Variants in MYO10 observed in about 807,000 individuals in gnomAD.
MYO10 encodes the protein myosin X.
In MYO10, 133 loss-of-function variants were observed where a neutral mutation model predicts 257.3. That is an observed-to-expected ratio of 0.52 (90% CI 0.45 to 0.60). MYO10 has a LOEUF of 0.60. MYO10 is among the 20% of genes least tolerant of loss of function. The pLI is 0.00. For synonymous variants in MYO10, 1,104 were observed against 1,028.6 expected, an observed-to-expected ratio of 1.07 and a Z score of -1.40; for missense variants, 2,399 against 2,635.7, an observed-to-expected ratio of 0.91 and a Z score of 1.97.
At position 16,929,561 on chromosome 5, in the gene MYO10, C is replaced by T. The variant is rs1746240509; in HGVS notation, c.21+6227G>A. Among the ~76,000 whole-genome samples, 3 of 152,154 alleles carry T rather than the reference C, an allele frequency of 2.0e-5. No homozygotes were observed. In the South Asian group the frequency reaches 6.2e-4, roughly 31 times the overall value. On this transcript the variant is annotated intron_variant, in intron 1 of 40. Coordinates refer to ENST00000513610, the MANE Select transcript of MYO10 (RefSeq NM_012334.3). ...TGTGACACTGAGTCAGTTACTTAACCTCTCTGTGCCTCACTTTCTTCATCT... is the reference window on the plus strand; with the variant it reads ...TGTGACACTGAGTCAGTTACTTAACTTCTCTGTGCCTCACTTTCTTCATCT...
intron 9 of MYO10, among the ~76,000 whole-genome samples, chr5:16,774,766 TTATAA>T (rs1741167346): frequency 6.6e-6 from 1 of 152,166 alleles, no homozygotes; most frequent in African/African-American, 2.4e-5. Flanking sequence ...TAAAAATACT[TTATAA>T]TATAAAATTG....
intron 21 of MYO10, 25 bp downstream of exon 21, chr5:16,710,883 G>C (rs1561200746): frequency 1.6e-5 from 26 of 1,588,242 alleles, no homozygotes; most frequent in Non-Finnish European, 2.0e-5. Flanking sequence ...GATTCGGTGG[G>C]AGTTGCTCTT....
chr5:16,692,646 C>T (rs1737560043), intron 27 of MYO10, among the ~76,000 whole-genome samples: 1 of 152,006 alleles, frequency 6.6e-6, no homozygotes, highest in Non-Finnish European at 1.5e-5. Flanking sequence ...CTGGATAGAA[C>T]TGTGGATGAA....
chr5:16,845,004 T>C (rs1391360283), intron 2 of MYO10, among the ~76,000 whole-genome samples: 1 of 151,916 alleles, frequency 6.6e-6, no homozygotes, highest in Non-Finnish European at 1.5e-5. Context: ...CAAATATGAC[T>C]GATCTATATT....
chr5:16,885,760 G>A (rs1056635762), intron 1 of MYO10, among the ~76,000 whole-genome samples: 1 of 152,030 alleles, frequency 6.6e-6, no homozygotes, highest in Admixed American at 6.6e-5. Flanking sequence ...CAGCGCTAAC[G>A]CGAGCCACAA....
At chr5:16,736,737 G>C (rs1739820472) in intron 19 of MYO10, among the ~76,000 whole-genome samples, 1 of 152,126 alleles carries the variant, frequency 6.6e-6, no homozygotes, top group Non-Finnish European at 1.5e-5. Context: ...ACCAGAAAAA[G>C]AAAAGAAGAA....
At position 16,710,080 on chromosome 5, in the gene MYO10, T is replaced by G. The variant is rs185177556; in HGVS notation, c.2169+828A>C. Among the ~76,000 whole-genome samples the G allele has an allele frequency of 1.2e-4, 19 of 152,282 alleles. No individual in the cohort carries two copies. In the East Asian group the frequency reaches 3.7e-3, roughly 29 times the overall value. ...TAGATTAAAAACAGCATATTATGAG[T>G]GGAAGCTTTAAAATACTTCTCTGAC... is the stretch of plus-strand genomic sequence containing the variant. On this transcript the variant is annotated intron_variant, in intron 21 of 40. Coordinates refer to ENST00000513610, the MANE Select transcript of MYO10 (RefSeq NM_012334.3).
At chr5:16,807,872 T>C (rs1742324669) in intron 3 of MYO10, among the ~76,000 whole-genome samples, 1 of 152,138 alleles carries the variant, frequency 6.6e-6, no homozygotes, top group African/African-American at 2.4e-5. Flanking sequence ...TCACACCCAT[T>C]GTCACCCTGA....
At chr5:16,676,880 TTC>T (rs1736750899) in intron 33 of MYO10, among the ~76,000 whole-genome samples, 1 of 152,182 alleles carries the variant, frequency 6.6e-6, no homozygotes, top group Non-Finnish European at 1.5e-5. Flanking sequence ...TAATCTGATC[TTC>T]TGTTATTGAT....
intron 2 of MYO10, among the ~76,000 whole-genome samples, chr5:16,823,399 G>A (rs1292635462): frequency 8.2e-6 from 1 of 122,190 alleles, no homozygotes; most frequent in East Asian, 2.8e-4. Flanking sequence ...GAGCCGAGAT[G>A]GCACCACTGC....
rs1231537066 is a variant in MYO10, at chr5:16,665,650, T to G, written c.*1042A>C. On this transcript the variant is annotated 3_prime_UTR_variant, in exon 41 of 41. Transcript: ENST00000513610. ...GTCTCTCCCCCATAGTCAACATGGT[T>G]ATTATATCTGTAATCTATCCAGAAT... The G allele has an allele frequency of 2.6e-5, 4 of 152,432 alleles. No homozygotes were observed. The highest frequency in any genetic ancestry group is 5.9e-5 in the Non-Finnish European group (4 of 68,030). The allele number at this position is 152,432 out of a possible 1,614,324, so 9.4% of individuals were successfully genotyped here. A position where few individuals can be genotyped will look rare whatever the true frequency, so the allele number is the denominator to read the frequency against.
chr5:16,887,086 A>G (rs895571012), intron 1 of MYO10, among the ~76,000 whole-genome samples: 12 of 152,168 alleles, frequency 7.9e-5, no homozygotes, highest in African/African-American at 2.9e-4. Flanking sequence ...TCACAGACCA[A>G]TTTGTCCCAT....
At chr5:16,823,764 G>A (rs901112267) in intron 2 of MYO10, among the ~76,000 whole-genome samples, 1 of 148,016 alleles carries the variant, frequency 6.8e-6, no homozygotes, top group Admixed American at 6.7e-5. Context: ...GAGCCACTGC[G>A]CCTGGCTGGG....
intron 19 of MYO10, chr5:16,713,449 G>C: frequency 1.0e-6 from 1 of 985,706 alleles, no homozygotes; most frequent in Non-Finnish European, 1.2e-6. Context: ...GAACAATAAT[G>C]AACACCATTC....
At chr5:16,725,078 CTTTTTTTTTTTTTTT>C (rs34100971) in intron 19 of MYO10, among the ~76,000 whole-genome samples, 1 of 74,890 alleles carries the variant, frequency 1.3e-5, no homozygotes, top group Non-Finnish European at 2.4e-5. Flanking sequence ...CCTTCTTCTT[CTTTTTTTTTTTTTTT>C]TTTTTTTTTT....
intron 19 of MYO10, among the ~76,000 whole-genome samples, chr5:16,740,327 T>C (rs1410535454): frequency 6.6e-6 from 1 of 151,946 alleles, no homozygotes; most frequent in Non-Finnish European, 1.5e-5. Context: ...AAAACGTTAA[T>C]TCAGGGCGGC....
At chr5:16,932,938 T>G (rs556954173) in intron 1 of MYO10, among the ~76,000 whole-genome samples, 2 of 152,172 alleles carry the variant, frequency 1.3e-5, no homozygotes, top group African/African-American at 4.8e-5. Flanking sequence ...CAGCTAAGTT[T>G]TGTAGAGATG....
intron 19 of MYO10, among the ~76,000 whole-genome samples, chr5:16,723,863 T>C (rs780193804): frequency 2.6e-5 from 4 of 152,232 alleles, no homozygotes; most frequent in Admixed American, 1.3e-4. Context: ...GAAATGGCTA[T>C]ATACTATTTG....
At chr5:16,894,506 G>C (rs1443943682) in intron 1 of MYO10, among the ~76,000 whole-genome samples, 2 of 152,154 alleles carry the variant, frequency 1.3e-5, no homozygotes, top group African/African-American at 2.4e-5. Context: ...TAGAGGAAAA[G>C]CAAATACAAT....
Sources: allele counts gnomAD v4.1 joint callset (sites outside exome capture counted in the v4.1 genomes callset), GRCh38; gene constraint gnomAD v4.1.1; transcripts MANE v1.5; gene names NCBI Gene and HGNC (gene_info 2026-07-23, HGNC 2026-07-21).